Variants in HEMK2 observed in about 807,000 individuals in gnomAD.
HEMK2 encodes methyltransferase HEMK2.
At chr21:28,614,910 T>C in the HEMK2 span, among the ~76,000 whole-genome samples, 1 of 152,176 alleles carries the variant, frequency 6.6e-6, no homozygotes, top group Non-Finnish European at 1.5e-5. Flanking sequence ...TAAGCATTGC[T>C]TTTTCAGTGA....
the HEMK2 span, among the ~76,000 whole-genome samples, chr21:28,720,576 T>C: frequency 6.6e-6 from 1 of 151,998 alleles, no homozygotes; most frequent in Non-Finnish European, 1.5e-5. Context: ...CTAATAAAAA[T>C]ACAAAAATTA....
the HEMK2 span, among the ~76,000 whole-genome samples, chr21:28,791,161 T>C: frequency 6.6e-6 from 1 of 152,080 alleles, no homozygotes; most frequent in Non-Finnish European, 1.5e-5. Flanking sequence ...AGAATCCCAA[T>C]TCCCAGGTCA....
chr21:28,642,653 T>C, the HEMK2 span, among the ~76,000 whole-genome samples: 1 of 152,176 alleles, frequency 6.6e-6, no homozygotes, highest in Admixed American at 6.5e-5. Context: ...AAGACTTTAC[T>C]GAGCGGAGGG....
the HEMK2 span, among the ~76,000 whole-genome samples, chr21:28,856,594 T>G: frequency 6.6e-6 from 1 of 152,096 alleles, no homozygotes; most frequent in African/African-American, 2.4e-5. Context: ...TATCCAGGTA[T>G]CCAGGTTGTC....
the HEMK2 span, among the ~76,000 whole-genome samples, chr21:28,643,423 G>A: frequency 6.6e-6 from 1 of 150,854 alleles, no homozygotes; most frequent in Admixed American, 6.6e-5. Flanking sequence ...GCTCATGCCT[G>A]TAATTGCACA....
At chr21:28,688,083 A>G in the HEMK2 span, among the ~76,000 whole-genome samples, 1 of 152,180 alleles carries the variant, frequency 6.6e-6, no homozygotes, top group Non-Finnish European at 1.5e-5. Context: ...CTCAAGTTAA[A>G]CTGTCAAAAT....
chr21:28,649,685 A>G, the HEMK2 span, among the ~76,000 whole-genome samples: 1 of 152,140 alleles, frequency 6.6e-6, no homozygotes, highest in African/African-American at 2.4e-5. Flanking sequence ...AAAGGCGGTA[A>G]CATTTTATTT....
chr21:28,876,565 G>T, the HEMK2 span: 2 of 826,008 alleles, frequency 2.4e-6, no homozygotes, highest in Non-Finnish European at 3.8e-6. Flanking sequence ...AATTTAATAA[G>T]TTAAACACAG....
chr21:28,798,529 C>A, the HEMK2 span, among the ~76,000 whole-genome samples: 1 of 151,664 alleles, frequency 6.6e-6, no homozygotes, highest in Non-Finnish European at 1.5e-5. Context: ...TATAATTGTT[C>A]TATTTATCAC....
At chr21:28,810,758 A>G in the HEMK2 span, among the ~76,000 whole-genome samples, 71 of 152,134 alleles carry the variant, frequency 4.7e-4, no homozygotes, top group African/African-American at 1.5e-3. Context: ...CTTCCACAGT[A>G]TTCTCACTGT....
the HEMK2 span, among the ~76,000 whole-genome samples, chr21:28,856,748 C>G: frequency 6.6e-6 from 1 of 152,186 alleles, no homozygotes; most frequent in African/African-American, 2.4e-5. Flanking sequence ...TGCAACCCTG[C>G]CAAGGAAAGT....
chr21:28,670,266 A>C, the HEMK2 span, among the ~76,000 whole-genome samples: 3 of 152,222 alleles, frequency 2.0e-5, no homozygotes, highest in Admixed American at 6.5e-5. Context: ...CCTACAGTCT[A>C]AATGGGCAAA....
the HEMK2 span, chr21:28,873,877 A>G: frequency 2.0e-5 from 3 of 152,254 alleles, no homozygotes; most frequent in East Asian, 3.8e-4. Flanking sequence ...CCAGCAGTGC[A>G]TAAGTCATGG....
At chr21:28,602,403 A>G in the HEMK2 span, among the ~76,000 whole-genome samples, 12 of 152,170 alleles carry the variant, frequency 7.9e-5, no homozygotes, top group African/African-American at 2.9e-4. Flanking sequence ...TATTTAATAA[A>G]TAAATAAATA....
At chr21:28,605,792 G>C in the HEMK2 span, among the ~76,000 whole-genome samples, 2 of 152,090 alleles carry the variant, frequency 1.3e-5, no homozygotes, top group East Asian at 1.9e-4. Context: ...GGCCAGTTTT[G>C]ATTGAAAAAT....
chr21:28,789,610 T>C, the HEMK2 span, among the ~76,000 whole-genome samples: 1 of 152,216 alleles, frequency 6.6e-6, no homozygotes, highest in Admixed American at 6.5e-5. Flanking sequence ...AGTGGATTCT[T>C]TCTTGGCATT....
At chr21:28,806,486 T>G in the HEMK2 span, among the ~76,000 whole-genome samples, 1 of 152,280 alleles carries the variant, frequency 6.6e-6, no homozygotes, top group South Asian at 2.1e-4. Context: ...AATGCCACCT[T>G]ATTTAGAAAT....
chr21:28,785,573 T>A, the HEMK2 span, among the ~76,000 whole-genome samples: 2 of 152,234 alleles, frequency 1.3e-5, no homozygotes, highest in East Asian at 1.9e-4. Context: ...CAATGAGATA[T>A]CAGCAAATGT....
chr21:28,584,639 A>C, the HEMK2 span, among the ~76,000 whole-genome samples: 1 of 152,152 alleles, frequency 6.6e-6, no homozygotes, highest in African/African-American at 2.4e-5. Flanking sequence ...CACTCTCAGG[A>C]TGTCAAAAGG....
Sources: allele counts gnomAD v4.1 joint callset (sites outside exome capture counted in the v4.1 genomes callset), GRCh38; gene constraint gnomAD v4.1.1; transcripts MANE v1.5; gene names NCBI Gene and HGNC (gene_info 2026-07-23, HGNC 2026-07-21).